CDH12: variants seen among roughly 807,000 people sequenced by gnomAD.
CDH12 encodes cadherin-12.
Under a neutral mutation model 74.1 loss-of-function variants are expected in CDH12, and 41 were observed. The observed-to-expected ratio is 0.55, with a 90% CI of 0.43 to 0.72. The LOEUF is 0.72. Ranked by LOEUF, CDH12 falls within the 30% of genes least tolerant of loss-of-function variation. The pLI, the probability that CDH12 is intolerant of heterozygous loss-of-function variation, is 0.00. For missense variants in CDH12, 945 were observed against 977.2 expected, an observed-to-expected ratio of 0.97 and a Z score of 0.44; for synonymous variants, 399 against 355.0, an observed-to-expected ratio of 1.12 and a Z score of -1.39.
intron 11 of CDH12, 65 bp downstream of exon 11, chr5:21,783,293 T>A: frequency 7.3e-7 from 1 of 1,364,480 alleles, no homozygotes; most frequent in Non-Finnish European, 1.0e-6. Flanking sequence ...CAGCAGGGAC[T>A]CATTTAAGAG....
chr5:22,850,720 C>T (rs1336484023), intron 1 of CDH12, among the ~76,000 whole-genome samples: 1 of 152,084 alleles, frequency 6.6e-6, no homozygotes, highest in Non-Finnish European at 1.5e-5. Flanking sequence ...TGTAATCACT[C>T]TTTCCCTTTG....
rs574285512 is a variant in CDH12, at chr5:22,691,233, G to A, written c.-523+161825C>T. ...TGAAAAAAGCCTGTGCTTCAATTGG[G>A]CATTCCTTATTTTTTACATTCCTTA... On this transcript the variant is annotated intron_variant, in intron 1 of 14. Coordinates refer to ENST00000382254, the MANE Select transcript of CDH12 (RefSeq NM_004061.5). 6.6e-5 allele frequency among the ~76,000 whole-genome samples: 10 copies of A among 152,192 alleles called. 1 individual carries two copies. In the South Asian group the frequency reaches 1.5e-3, roughly 22 times the overall value.
chr5:22,698,717 A>AG (rs1742536406), intron 1 of CDH12, among the ~76,000 whole-genome samples: 10 of 30,756 alleles, frequency 3.3e-4, no homozygotes, highest in South Asian at 1.6e-3. Context: ...ATATATATAT[A>AG]TATATATATA....
At chr5:22,817,646 C>T (rs1016857546) in intron 1 of CDH12, among the ~76,000 whole-genome samples, 2 of 152,048 alleles carry the variant, frequency 1.3e-5, no homozygotes, top group African/African-American at 2.4e-5. Context: ...CCAATCTTGA[C>T]TTTTAAATTT....
chr5:22,438,337 T>C (rs1744489924), intron 2 of CDH12, among the ~76,000 whole-genome samples: 1 of 152,014 alleles, frequency 6.6e-6, no homozygotes, highest in Admixed American at 6.6e-5. Context: ...ATTGTATCCA[T>C]AGCACCTAAC....
intron 9 of CDH12, among the ~76,000 whole-genome samples, chr5:21,812,311 A>G (rs7443380): frequency 0.67 from 102,382 of 151,870 alleles, 36,060 homozygotes; most frequent in Non-Finnish European, 0.78. Flanking sequence ...TAGTATACTT[A>G]AAATGTAATT....
intron 5 of CDH12, among the ~76,000 whole-genome samples, chr5:21,997,564 T>C (rs896946807): frequency 6.6e-6 from 1 of 152,116 alleles, no homozygotes; most frequent in Non-Finnish European, 1.5e-5. Flanking sequence ...ATTACACAGT[T>C]TGAAGTAAAC....
At chr5:22,763,442 T>G (rs1003738862) in intron 1 of CDH12, among the ~76,000 whole-genome samples, 1 of 151,974 alleles carries the variant, frequency 6.6e-6, no homozygotes, top group Non-Finnish European at 1.5e-5. Context: ...TAACTGAGTA[T>G]TTTTTAAACA....
chr5:22,140,606 C>A (rs960153705), intron 4 of CDH12, among the ~76,000 whole-genome samples: 2 of 152,084 alleles, frequency 1.3e-5, no homozygotes, highest in African/African-American at 4.8e-5. Context: ...TGACACATTT[C>A]TTTATTGCTG....
chr5:21,965,253 T>A (rs1238631487), intron 6 of CDH12, among the ~76,000 whole-genome samples: 5 of 152,110 alleles, frequency 3.3e-5, no homozygotes, highest in African/African-American at 9.6e-5. Context: ...TCATTATGAA[T>A]CATTTCACTG....
At chr5:22,538,141 G>A (rs1044719945) in intron 1 of CDH12, among the ~76,000 whole-genome samples, 4 of 152,058 alleles carry the variant, frequency 2.6e-5, no homozygotes, top group Admixed American at 6.6e-5. Flanking sequence ...TTCACCCCAA[G>A]TGCATTCCAT....
At chr5:22,334,097 T>G (rs1366532540) in intron 3 of CDH12, among the ~76,000 whole-genome samples, 4 of 152,166 alleles carry the variant, frequency 2.6e-5, no homozygotes, top group African/African-American at 9.7e-5. Flanking sequence ...TCACCACTGT[T>G]ATTTACTATA....
intron 4 of CDH12, among the ~76,000 whole-genome samples, chr5:22,094,958 G>A (rs1743663620): frequency 6.6e-6 from 1 of 152,012 alleles, no homozygotes; most frequent in Admixed American, 6.5e-5. Flanking sequence ...ATCTCCCTTT[G>A]CTGACCCTCT....
chr5:22,425,898 A>G (rs1464714525), intron 2 of CDH12, among the ~76,000 whole-genome samples: 1 of 152,078 alleles, frequency 6.6e-6, no homozygotes, highest in Non-Finnish European at 1.5e-5. Context: ...CATTCTAGAA[A>G]ATCTCATTTC....
chr5:21,891,121 T>C (rs1752879209), intron 6 of CDH12, among the ~76,000 whole-genome samples: 4 of 152,238 alleles, frequency 2.6e-5, no homozygotes, highest in South Asian at 2.1e-4. Context: ...GAGTTGTTTA[T>C]ATAAATCCTA....
intron 6 of CDH12, among the ~76,000 whole-genome samples, chr5:21,920,944 A>G (rs1754324973): frequency 6.6e-6 from 1 of 152,168 alleles, no homozygotes; most frequent in African/African-American, 2.4e-5. Context: ...TCAGTAAAAG[A>G]AAACCTCCTC....
chr5:22,800,994 C>A (rs547332445), intron 1 of CDH12, among the ~76,000 whole-genome samples: 65 of 152,238 alleles, frequency 4.3e-4, no homozygotes, highest in African/African-American at 1.5e-3. Context: ...ATGAATAGAG[C>A]CGCCATAAAA....
In CDH12 at chr5:22,579,973, C is replaced by T. The variant is rs933470839; in HGVS notation, c.-522-74609G>A. On this transcript the variant is annotated intron_variant, in intron 1 of 14. Coordinates refer to ENST00000382254, the MANE Select transcript of CDH12 (RefSeq NM_004061.5). Reference sequence around the variant, plus strand: ...GGTCTCTTCTCTCCAGAATGCCTTGCTACATGCTCTGGCCTCAAAGCTACT... The same window carrying T: ...GGTCTCTTCTCTCCAGAATGCCTTGTTACATGCTCTGGCCTCAAAGCTACT... 3.9e-5 allele frequency among the ~76,000 whole-genome samples: 6 copies of T among 152,218 alleles called. No individual in the cohort carries two copies. In the East Asian group the frequency reaches 9.7e-4, roughly 25 times the overall value.
intron 4 of CDH12, among the ~76,000 whole-genome samples, chr5:22,208,307 C>T (rs1386287798): frequency 2.0e-5 from 3 of 152,256 alleles, no homozygotes; most frequent in Non-Finnish European, 2.9e-5. Flanking sequence ...GGGGAAGTCT[C>T]ACCACTGCAT....
Sources: gnomAD v4.1 joint callset for allele counts (sites outside exome capture counted in the v4.1 genomes callset) on GRCh38, gnomAD v4.1.1 for gene constraint, MANE v1.5 for transcripts, NCBI Gene and HGNC (gene_info 2026-07-23, HGNC 2026-07-21) for gene names.